The following RASIP1 variants were observed in gnomAD, a reference collection of about 807,000 sequenced individuals.
RASIP1 encodes the protein Ras interacting protein 1.
Under a neutral mutation model 85.3 loss-of-function variants are expected in RASIP1, and 20 were observed. The observed-to-expected ratio is 0.23, with a 90% CI of 0.17 to 0.34. RASIP1 has a LOEUF of 0.34. RASIP1 is among the 10% of genes least tolerant of loss of function. The pLI is 1.00. For synonymous variants in RASIP1, 617 were observed against 647.1 expected, an observed-to-expected ratio of 0.95 and a Z score of 0.71; for missense variants, 1,170 against 1,390.9, an observed-to-expected ratio of 0.84 and a Z score of 2.53.
In RASIP1 at chr19:48,729,145, T is replaced by C; in HGVS notation, c.1625A>G (p.Glu542Gly). 7.5e-7 allele frequency: 1 copy of C among 1,334,144 alleles called. No homozygotes were observed. The highest frequency in any genetic ancestry group is 9.6e-7 in the Non-Finnish European group (1 of 1,041,850). The allele number at this position is 1,334,144 out of a possible 1,614,324, so 82.6% of individuals were successfully genotyped here. A position where few individuals can be genotyped will look rare whatever the true frequency, so the allele number is the denominator to read the frequency against. The change falls in exon 5 of 12, where the codon GAG becomes GGG. Residue 542 changes from glutamate (E) to glycine (G), a missense_variant. Glu to Gly is a moderately conservative substitution (Grantham distance 98, BLOSUM62 -2). This residue lies in a region of RASIP1 where 426 missense variants were observed against 576.2 expected (regional missense o/e 0.74). Coordinates refer to ENST00000222145, the MANE Select transcript of RASIP1 (RefSeq NM_017805.3). ...GCGCGGCCGGAAGCGCAGGACTGGC[T>C]CACGGCCGTCCAGGTAGGCGGCCAG... ...EALAAYLDGR[E>G]PVLRFRPREE... is the part of the protein sequence containing the mutation.
In RASIP1 at chr19:48,720,933, C is replaced by G; in HGVS notation, c.2757G>C (p.Leu919=). The change falls in exon 12 of 12, where the codon CTG becomes CTC. Residue 919 remains leucine (L), a synonymous_variant. Coordinates refer to ENST00000222145, the MANE Select transcript of RASIP1 (RefSeq NM_017805.3). ...CGTCCGTCACTGGACCAGTGAGGCGCAGGCGCGAGCTCCCCAGGGGGAGGA... is the reference window on the plus strand; with the variant it reads ...CGTCCGTCACTGGACCAGTGAGGCGGAGGCGCGAGCTCCCCAGGGGGAGGA... The part of the protein sequence containing the change: ...PLILPLGSSR[L]RLTGPVTDDA... 1 of 1,613,502 alleles carries G rather than the reference C, an allele frequency of 6.2e-7. No homozygotes were observed. The highest frequency in any genetic ancestry group is 8.5e-7 in the Non-Finnish European group (1 of 1,179,896).
At chr19:48,731,166 C>T (rs527831867) in intron 4 of RASIP1, among the ~76,000 whole-genome samples, 1 of 151,766 alleles carries the variant, frequency 6.6e-6, no homozygotes, top group Non-Finnish European at 1.5e-5. Context: ...CCCAGCTACT[C>T]GGGAGGCTGA....
chr19:48,721,032 A>G, intron 11 of RASIP1, 35 bp from the exon 12 acceptor site: 1 of 1,526,410 alleles, frequency 6.6e-7, no homozygotes, highest in Non-Finnish European at 8.8e-7. Context: ...TAGAGTCTGA[A>G]AGTGGGAGTG....
At position 48,740,080 on chromosome 19, in the gene RASIP1, G is replaced by T; in HGVS notation, c.137+66C>A. Reference sequence around the variant, plus strand: ...GGAGCCAACACTTTGCAGGGACTGGGCAGTGAACAGGGACAGATGGGAAGC... The same window carrying T: ...GGAGCCAACACTTTGCAGGGACTGGTCAGTGAACAGGGACAGATGGGAAGC... On this transcript the variant is annotated intron_variant, in intron 2 of 11. Transcript: ENST00000222145. The surrounding 1 kb of genome is among the most constrained non-coding windows in gnomAD (Gnocchi z 5.5). 2 of 1,490,284 alleles carry T rather than the reference G, an allele frequency of 1.3e-6. No homozygotes were observed. Among genetic ancestry groups the T allele is most frequent in the African/African-American group, 2.9e-5 (2 of 69,178 alleles). The allele number at this position is 1,490,284 out of a possible 1,614,324, so 92.3% of individuals were successfully genotyped here. A position where few individuals can be genotyped will look rare whatever the true frequency, so the allele number is the denominator to read the frequency against.
intron 4 of RASIP1, among the ~76,000 whole-genome samples, chr19:48,732,118 G>T (rs944588015): frequency 3.2e-4 from 48 of 150,040 alleles, no homozygotes; most frequent in African/African-American, 1.2e-3. Flanking sequence ...TCAGACTGGA[G>T]TGCAGTGGCA....
chr19:48,736,636 G>T (rs936830766), intron 3 of RASIP1, among the ~76,000 whole-genome samples: 1 of 152,164 alleles, frequency 6.6e-6, no homozygotes, highest in Non-Finnish European at 1.5e-5. Context: ...AAGGGGAAAT[G>T]AGCTGAATGA....
Position 48,739,721 on chromosome 19 carries a change from T to C in RASIP1, c.138-76A>G. On this transcript the variant is annotated intron_variant, in intron 2 of 11. Transcript: ENST00000222145. The surrounding 1 kb of genome is among the most constrained non-coding windows in gnomAD (Gnocchi z 9.2). ...CGCCAAGACGGGGGTGGGGGCATAT[T>C]AGGAGGGAAGTGGGCAGAGACCCAG... 7.7e-7 allele frequency: 1 copy of C among 1,303,390 alleles called. No homozygotes were observed. Among genetic ancestry groups the C allele is most frequent in the Non-Finnish European group, 9.7e-7 (1 of 1,032,396 alleles). The allele number at this position is 1,303,390 out of a possible 1,614,324, so 80.7% of individuals were successfully genotyped here.
Position 48,738,314 on chromosome 19 carries a change from C to A in RASIP1, c.823+646G>T, listed in dbSNP as rs2033608089. On this transcript the variant is annotated intron_variant, in intron 3 of 11. Transcript: ENST00000222145. This position sits in a 1 kb window ranked among gnomAD's most constrained non-coding sequence, Gnocchi z 4.0. Reference sequence around the variant, plus strand: ...ATCAAAACAGTTGCACTATTGATTTCTCTTTCTCCTAATTGGCCCCAAGAG... The same window carrying A: ...ATCAAAACAGTTGCACTATTGATTTATCTTTCTCCTAATTGGCCCCAAGAG... 6.6e-6 allele frequency among the ~76,000 whole-genome samples: 1 copy of A among 152,212 alleles called. No homozygotes were observed.
At position 48,739,773 on chromosome 19, in the gene RASIP1, G is replaced by T; in HGVS notation, c.138-128C>A. 1.1e-6 allele frequency: 1 copy of T among 936,232 alleles called. No individual in the cohort carries two copies. Among genetic ancestry groups the T allele is most frequent in the Non-Finnish European group, 1.4e-6 (1 of 690,222 alleles). The allele number at this position is 936,232 out of a possible 1,614,324, so 58.0% of individuals were successfully genotyped here. The stretch of plus-strand genomic sequence containing the variant: ...GGGAGGACAGGGACCCAGGGTGGAT[G>T]GACGGGGCGGGGGTGAGGGTGGGGA... On this transcript the variant is annotated intron_variant, in intron 2 of 11. Transcript: ENST00000222145. This position sits in a 1 kb window ranked among gnomAD's most constrained non-coding sequence, Gnocchi z 9.2.
chr19:48,720,937 C>T lies in RASIP1; in HGVS notation c.2753G>A (p.Arg918His), dbSNP rs2033219207. The stretch of plus-strand genomic sequence containing the variant: ...CGTCACTGGACCAGTGAGGCGCAGG[C>T]GCGAGCTCCCCAGGGGGAGGATGAG... ...PPLILPLGSS[R>H]LRLTGPVTDD... The change falls in exon 12 of 12, where the codon CGC (arginine) becomes CAC (histidine). Residue 918 changes from arginine (R) to histidine (H), a missense_variant. Coordinates refer to ENST00000222145, the MANE Select transcript of RASIP1 (RefSeq NM_017805.3). The T allele has an allele frequency of 5.0e-6, 8 of 1,613,294 alleles. No homozygotes were observed. The highest frequency in any genetic ancestry group is 6.8e-6 in the Non-Finnish European group (8 of 1,179,854).
At chr19:48,734,398 C>T (rs1378704565) in intron 4 of RASIP1, among the ~76,000 whole-genome samples, 1 of 151,878 alleles carries the variant, frequency 6.6e-6, no homozygotes, top group Non-Finnish European at 1.5e-5. Context: ...ACGGAAGCCT[C>T]GACCTCCTGA....
intron 4 of RASIP1, among the ~76,000 whole-genome samples, chr19:48,734,551 G>T (rs1318677036): frequency 6.8e-6 from 1 of 147,930 alleles, no homozygotes; most frequent in Admixed American, 6.8e-5. Flanking sequence ...GCAATGGAAC[G>T]ATCTTGGCTC....
At chr19:48,733,734 G>T (rs968390881) in intron 4 of RASIP1, among the ~76,000 whole-genome samples, 5 of 151,646 alleles carry the variant, frequency 3.3e-5, no homozygotes, top group Non-Finnish European at 7.4e-5. Flanking sequence ...TTGAACCTGG[G>T]AGGCAGAGGT....
intron 5 of RASIP1, 139 bp downstream of exon 5, chr19:48,728,798 A>G: frequency 2.0e-6 from 2 of 1,012,696 alleles, no homozygotes; most frequent in South Asian, 5.3e-5. Context: ...ACAAAACCCA[A>G]AACCCCAAAT....
In RASIP1 at chr19:48,728,858, G is replaced by T; in HGVS notation, c.1833+79C>A. On this transcript the variant is annotated intron_variant, in intron 5 of 11. Coordinates refer to ENST00000222145, the MANE Select transcript of RASIP1 (RefSeq NM_017805.3). ...GTAGTATCCAGCCCAGCTATGAAAA[G>T]GGTTGAAGGTAGGGAAGGGAGGCTG... 4 of 1,333,036 alleles carry T rather than the reference G, an allele frequency of 3.0e-6. No homozygotes were observed. The South Asian group carries it at 6.6e-5, about 22-fold the overall frequency. The allele number at this position is 1,333,036 out of a possible 1,614,324, so 82.6% of individuals were successfully genotyped here.
rs1021244948 is a variant in RASIP1, at chr19:48,729,431, G to A, written c.1339C>T (p.Pro447Ser). 6.4e-7 allele frequency: 1 copy of A among 1,561,310 alleles called. No individual in the cohort carries two copies. The highest frequency in any genetic ancestry group is 8.7e-7 in the Non-Finnish European group (1 of 1,153,456). ...HCTVRAGPEHPAMVRPSRGAP... is the reference protein window; with the variant it reads ...HCTVRAGPEHSAMVRPSRGAP... The stretch of plus-strand genomic sequence containing the variant: ...CCCCGGGACGGGCGCACCATGGCCG[G>A]GTGCTCAGGGCCCGCGCGCACTGTG... Residue 447 changes from proline to serine, a missense_variant, in exon 5 of 12, where the codon CCG becomes TCG. Physicochemically the swap from Pro to Ser is moderately conservative, Grantham distance 74. This residue lies in a region of RASIP1 where 301 missense variants were observed against 294.8 expected (regional missense o/e 1.02). Transcript: ENST00000222145.
chr19:48,740,541 C>G lies in RASIP1; in HGVS notation c.-25G>C, dbSNP rs1194314876. The G allele has an allele frequency of 2.9e-6, 4 of 1,386,738 alleles. No homozygotes were observed. Among genetic ancestry groups the G allele is most frequent in the Admixed American group, 3.3e-5 (1 of 30,150 alleles). The allele number at this position is 1,386,738 out of a possible 1,614,324, so 85.9% of individuals were successfully genotyped here. On this transcript the variant is annotated 5_prime_UTR_variant, in exon 1 of 12. Transcript: ENST00000222145. The surrounding 1 kb of genome is among the most constrained non-coding windows in gnomAD (Gnocchi z 5.5). ...CTTACCCTGCTTCGGGTCCGGCACA[C>G]CCGGAGGCCCTGGCTCCACTGGCCT...
chr19:48,729,709 CTTTTT>C lies in RASIP1; in HGVS notation c.1180-124_1180-120del, dbSNP rs35424254. The C allele has an allele frequency of 6.4e-3, 2,411 of 377,606 alleles. 1 individual carries two copies. Among genetic ancestry groups the C allele is most frequent in the East Asian group, 0.019 (407 of 21,786 alleles). 23.4% of individuals were successfully genotyped at this position (377,606 alleles called of 1,614,324 possible). A position where few individuals can be genotyped will look rare whatever the true frequency, so the allele number is the denominator to read the frequency against. On this transcript the variant is annotated intron_variant, in intron 4 of 11. Transcript: ENST00000222145. ...ACCAACTTTTTTTTTCCTTCTTCTT[CTTTTT>C]TTTTTTTTTTTTTTTTTTGAGATGG...
Position 48,724,483 on chromosome 19 carries a change from A to G in RASIP1, c.2398T>C (p.Ser800Pro). Residue 800 changes from serine (S) to proline (P), a missense_variant, in exon 10 of 12, where the codon TCC becomes CCC. Ser to Pro is a moderately conservative substitution (Grantham distance 74). Coordinates refer to ENST00000222145, the MANE Select transcript of RASIP1 (RefSeq NM_017805.3). The surrounding 1 kb of genome is among the most constrained non-coding windows in gnomAD (Gnocchi z 4.6). ...TTGGTTCGGATTTGAACAGCTCGGG[A>G]CCATTGATAGAAAGGCCGGCCTTGA... ...RGQGRPFYQW[S>P]RAVQIRTNLD... is the part of the protein sequence containing the mutation. The G allele has an allele frequency of 6.2e-7, 1 of 1,614,036 alleles. No homozygotes were observed.
Sources: gnomAD v4.1 joint callset for allele counts (sites outside exome capture counted in the v4.1 genomes callset) on GRCh38, gnomAD v4.1.1 for gene constraint, gnomAD v4.1.1 regional missense constraint, Gnocchi (gnomAD v3.1) non-coding constraint, MANE v1.5 for transcripts, NCBI Gene and HGNC (gene_info 2026-07-23, HGNC 2026-07-21) for gene names.